The following C17orf58 variants were observed in gnomAD, a reference collection of about 807,000 sequenced individuals.
The protein encoded by C17orf58 is chromosome 17 open reading frame 58.
In C17orf58, 5 loss-of-function variants were observed where a neutral mutation model predicts 7.4. The ratio of observed to expected loss-of-function variants is 0.67; its 90% CI spans 0.35 to 1.42. The LOEUF (loss-of-function observed/expected upper bound fraction) is 1.42. C17orf58 is among the 40% of genes most tolerant of loss of function. The pLI is 0.04. For synonymous variants in C17orf58, 60 were observed against 70.6 expected, an observed-to-expected ratio of 0.85 and a Z score of 0.75; for missense variants, 162 against 174.2, an observed-to-expected ratio of 0.93 and a Z score of 0.40.
chr17:67,994,346 G>C (rs147238684), intron 1 of C17orf58, among the ~76,000 whole-genome samples: 96 of 151,886 alleles, frequency 6.3e-4, no homozygotes, highest in Non-Finnish European at 1.1e-3. Flanking sequence ...AGAAGGATAC[G>C]AGGGTCTTGA....
intron 1 of C17orf58, among the ~76,000 whole-genome samples, chr17:67,994,454 C>T (rs1416969606): frequency 6.9e-6 from 1 of 144,836 alleles, no homozygotes; most frequent in Admixed American, 7.1e-5. Flanking sequence ...TTTTGCCCTT[C>T]CTTTAATATA....
In C17orf58 at chr17:67,993,199, C is replaced by A. The variant is rs1388415048; in HGVS notation, c.674G>T (p.Gly225Val). ...CAGGGTCACCAGCCGGATGCCCGCG[C>A]CCAGCACGTCCACATCGTGCACGAT... Reference protein sequence around the residue: ...NGIVHDVDVLGAGIRLVTLLV... With the variant: ...NGIVHDVDVLVAGIRLVTLLV... Residue 225 changes from glycine (G) to valine (V), a missense_variant, in exon 3 of 4, where the codon GGC (glycine) becomes GTC (valine). Transcript: ENST00000580729. This position sits in a 1 kb window ranked among gnomAD's most constrained non-coding sequence, Gnocchi z 5.1. The A allele has an allele frequency of 4.1e-5, 66 of 1,608,918 alleles. No individual in the cohort carries two copies. The highest frequency in any genetic ancestry group is 5.4e-5 in the Non-Finnish European group (63 of 1,177,082).
At position 67,993,698 on chromosome 17, in the gene C17orf58, C is replaced by A; in HGVS notation, c.363G>T (p.Glu121Asp). 1 of 146,530 alleles carries A rather than the reference C, an allele frequency of 6.8e-6. No individual in the cohort carries two copies. The highest frequency in any genetic ancestry group is 1.8e-4 in the South Asian group (1 of 5,548). 9.1% of individuals were successfully genotyped at this position (146,530 alleles called of 1,614,324 possible). The change falls in exon 2 of 4, where the codon GAG (glutamate) becomes GAT (aspartate). Residue 121 changes from glutamate to aspartate, a missense_variant. Physicochemically the swap from Glu to Asp is conservative, Grantham distance 45. This residue lies in a region of C17orf58 where 93 missense variants were observed against 90.4 expected (regional missense o/e 1.03). Coordinates refer to ENST00000580729, the MANE Select transcript of C17orf58 (RefSeq NM_001382359.1). The surrounding 1 kb of genome is among the most constrained non-coding windows in gnomAD (Gnocchi z 5.1). ...GTGAGCGCGCGCGTCGCGGGGCGTC[C>A]TCCGACGCGGGCTCGCGGCGCGGCG... ...RASPRREPASEDAPRRARSRA... is the reference protein window; with the variant it reads ...RASPRREPASDDAPRRARSRA...
intron 1 of C17orf58, among the ~76,000 whole-genome samples, chr17:67,994,926 A>G (rs1220071441): frequency 1.3e-5 from 2 of 152,104 alleles, no homozygotes; most frequent in African/African-American, 4.8e-5. Flanking sequence ...AAAATTATTA[A>G]TGATTTTCCC....
Position 67,993,029 on chromosome 17 carries a change from G to T in C17orf58, c.829+15C>A. On this transcript the variant is annotated intron_variant, in intron 3 of 3. Transcript: ENST00000580729. This position sits in a 1 kb window ranked among gnomAD's most constrained non-coding sequence, Gnocchi z 5.1. ...TAAAGTACATATGCAGCGTCATTCAGGTCAGTTTCAATACCAGGTTTAAAC... is the reference window on the plus strand; with the variant it reads ...TAAAGTACATATGCAGCGTCATTCATGTCAGTTTCAATACCAGGTTTAAAC... 1 of 1,614,178 alleles carries T rather than the reference G, an allele frequency of 6.2e-7. No individual in the cohort carries two copies. Among genetic ancestry groups the T allele is most frequent in the Non-Finnish European group, 8.5e-7 (1 of 1,180,020 alleles).
In C17orf58 at chr17:67,991,908, T is replaced by A; in HGVS notation, c.*5A>T. 1 of 1,594,192 alleles carries A rather than the reference T, an allele frequency of 6.3e-7. No individual in the cohort carries two copies. The highest frequency in any genetic ancestry group is 1.7e-5 in the Admixed American group (1 of 57,482). On this transcript the variant is annotated 3_prime_UTR_variant, in exon 4 of 4. Coordinates refer to ENST00000580729, the MANE Select transcript of C17orf58 (RefSeq NM_001382359.1). Reference sequence around the variant, plus strand: ...TTGCGGTCCAGAAATGCCAGGATGGTTGTTTCAAATGCATTGGGTATGAAT... The same window carrying A: ...TTGCGGTCCAGAAATGCCAGGATGGATGTTTCAAATGCATTGGGTATGAAT...
At chr17:67,995,488 A>C (rs2070884502) in intron 1 of C17orf58, among the ~76,000 whole-genome samples, 1 of 152,268 alleles carries the variant, frequency 6.6e-6, no homozygotes, top group African/African-American at 2.4e-5. Context: ...GAGATAGCGA[A>C]GCCGACAGAA....
rs1555699754 is a variant in C17orf58, at chr17:67,996,313, T to C, written c.-115A>G. ...CGTTCATGCTAATGAGGGGCAGCCT[T>C]TGGGGAAACGGGAATCACTCGCTGA... On this transcript the variant is annotated 5_prime_UTR_variant, in exon 1 of 4. Transcript: ENST00000580729. The C allele has an allele frequency of 2.5e-6, 1 of 393,892 alleles. No homozygotes were observed. Among genetic ancestry groups the C allele is most frequent in the Non-Finnish European group, 4.5e-6 (1 of 223,852 alleles). The allele number at this position is 393,892 out of a possible 1,614,324, so 24.4% of individuals were successfully genotyped here. A position where few individuals can be genotyped will look rare whatever the true frequency, so the allele number is the denominator to read the frequency against.
chr17:67,993,124 G>C lies in C17orf58; in HGVS notation c.749C>G (p.Pro250Arg), dbSNP rs374492199. ...GTGGACTCGGAAGAAGAAGCCGTCG[G>C]GGGTGAGGTACAGGCGGTTCATCTT... The part of the protein sequence containing the change: ...LYKMNRLYLT[P>R]DGFFFRVHML... The change falls in exon 3 of 4, where the codon CCC becomes CGC. Residue 250 changes from proline (P) to arginine (R), a missense_variant. Physicochemically the swap from Pro to Arg is moderately radical, Grantham distance 103. Coordinates refer to ENST00000580729, the MANE Select transcript of C17orf58 (RefSeq NM_001382359.1). The surrounding 1 kb of genome is among the most constrained non-coding windows in gnomAD (Gnocchi z 5.1). The C allele has an allele frequency of 1.2e-6, 2 of 1,614,090 alleles. No homozygotes were observed. The highest frequency in any genetic ancestry group is 1.3e-5 in the African/African-American group (1 of 75,026).
chr17:67,994,523 T>TAC (rs2070875542), intron 1 of C17orf58, among the ~76,000 whole-genome samples: 2 of 122,880 alleles, frequency 1.6e-5, no homozygotes, highest in Admixed American at 1.7e-4. Flanking sequence ...TGTGTATATA[T>TAC]ATATATATAT....
chr17:67,994,516 G>GTATATATATATA (rs1555699618), intron 1 of C17orf58, among the ~76,000 whole-genome samples: 6 of 89,544 alleles, frequency 6.7e-5, no homozygotes, highest in African/African-American at 2.2e-4. Flanking sequence ...GTGTGTGTGT[G>GTATATATATATA]TATATATATA....
At chr17:67,994,094 G>A in intron 1 of C17orf58, 110 bp from the exon 2 acceptor site, 1 of 356,372 alleles carries the variant, frequency 2.8e-6, no homozygotes, top group Non-Finnish European at 5.0e-6. Flanking sequence ...GGGAAGGGGA[G>A]GCTGAGACGG....
At chr17:67,992,854 G>T in intron 3 of C17orf58, 190 bp downstream of exon 3, 1 of 1,588,524 alleles carries the variant, frequency 6.3e-7, no homozygotes, top group Non-Finnish European at 8.6e-7. Context: ...TCACCCTTGA[G>T]GGTGGGGGCT....
Position 67,991,963 on chromosome 17 carries a change from G to A in C17orf58, c.970C>T (p.Arg324Ter), listed in dbSNP as rs368145364. The change falls in exon 4 of 4, where the codon CGA (arginine) becomes TGA (stop). Residue 324 changes from arginine to a stop codon, truncating the protein, a stop_gained. Transcript: ENST00000580729. LOFTEE classifies it high-confidence loss of function. The stretch of plus-strand genomic sequence containing the variant: ...CCTTGAATCTGCCCTTCCCTTTTTC[G>A]ATTAAACCTTTTCACATAGCTGCTG... ...SSSSYVKRFNRKREGQIQGAI... is the reference protein window; with the variant it reads ...SSSSYVKRFN The A allele has an allele frequency of 2.5e-6, 4 of 1,611,966 alleles. No homozygotes were observed. Among genetic ancestry groups the A allele is most frequent in the East Asian group, 2.2e-5 (1 of 44,862 alleles).
In C17orf58 at chr17:67,991,622, A is replaced by G. The variant is rs2070831487; in HGVS notation, c.*291T>C. On this transcript the variant is annotated 3_prime_UTR_variant, in exon 4 of 4. Transcript: ENST00000580729. Reference sequence around the variant, plus strand: ...TTAAATTAAAATAATTTAAAAACTTATGAAGCAATGATCTGTTAACTGGAC... The same window carrying G: ...TTAAATTAAAATAATTTAAAAACTTGTGAAGCAATGATCTGTTAACTGGAC... 4.6e-6 allele frequency: 1 copy of G among 215,432 alleles called. No individual in the cohort carries two copies. Among genetic ancestry groups the G allele is most frequent in the Non-Finnish European group, 9.1e-6 (1 of 110,124 alleles). 13.3% of individuals were successfully genotyped at this position (215,432 alleles called of 1,614,324 possible). A position where few individuals can be genotyped will look rare whatever the true frequency, so the allele number is the denominator to read the frequency against.
chr17:67,993,566 G>A lies in C17orf58; in HGVS notation c.495C>T (p.Pro165=), dbSNP rs1391499692. 1.5e-5 allele frequency: 4 copies of A among 259,834 alleles called. No individual in the cohort carries two copies. Among genetic ancestry groups the A allele is most frequent in the South Asian group, 1.5e-4 (1 of 6,682 alleles). The allele number at this position is 259,834 out of a possible 1,614,324, so 16.1% of individuals were successfully genotyped here. Residue 165 remains proline (P), a synonymous_variant, in exon 2 of 4, where the codon CCC becomes CCT. Transcript: ENST00000580729. The surrounding 1 kb of genome is among the most constrained non-coding windows in gnomAD (Gnocchi z 5.1). ...RPRAAALAPG[P]APAPPPRFSL... Reference sequence around the variant, plus strand: ...TGAAGCGCGGCGGCGGCGCGGGCGCGGGTCCCGGGGCCAGCGCGGCGGCGC... The same window carrying A: ...TGAAGCGCGGCGGCGGCGCGGGCGCAGGTCCCGGGGCCAGCGCGGCGGCGC...
chr17:67,991,849 A>G lies in C17orf58; in HGVS notation c.*64T>C. ...AGGAGGACCCATTACATGAAGGTAG[A>G]CCTTTCATGTCTTGTTGCCGACGTC... On this transcript the variant is annotated 3_prime_UTR_variant, in exon 4 of 4. Coordinates refer to ENST00000580729, the MANE Select transcript of C17orf58 (RefSeq NM_001382359.1). The G allele has an allele frequency of 7.3e-7, 1 of 1,367,500 alleles. No individual in the cohort carries two copies. Among genetic ancestry groups the G allele is most frequent in the Non-Finnish European group, 1.0e-6 (1 of 990,912 alleles). The allele number at this position is 1,367,500 out of a possible 1,614,324, so 84.7% of individuals were successfully genotyped here. A position where few individuals can be genotyped will look rare whatever the true frequency, so the allele number is the denominator to read the frequency against.
rs1272809754 is a variant in C17orf58 at position 67,993,747 on chromosome 17, A to G, written c.314T>C (p.Leu105Pro). ...RAPAGPPGPR[L>P]AQAENRASPR... ...CGACGCGCGGTTCTCGGCTTGCGCC[A>G]GGCGCGGGCCCGGCGGGCCAGCGGG... Residue 105 changes from leucine (L) to proline (P), a missense_variant, in exon 2 of 4, where the codon CTG (leucine) becomes CCG (proline). By Grantham distance (98) the Leu-to-Pro change is moderately conservative (BLOSUM62 -3). This residue lies in a region of C17orf58 where 93 missense variants were observed against 90.4 expected (regional missense o/e 1.03). Transcript: ENST00000580729. This position sits in a 1 kb window ranked among gnomAD's most constrained non-coding sequence, Gnocchi z 5.1. The G allele has an allele frequency of 6.6e-6, 1 of 150,736 alleles. No individual in the cohort carries two copies. The highest frequency in any genetic ancestry group is 1.4e-5 in the Non-Finnish European group (1 of 69,748). The allele number at this position is 150,736 out of a possible 1,614,324, so 9.3% of individuals were successfully genotyped here.
chr17:67,994,185 G>C (rs550349924), intron 1 of C17orf58, among the ~76,000 whole-genome samples: 1 of 151,888 alleles, frequency 6.6e-6, no homozygotes, highest in African/African-American at 2.4e-5. Context: ...GGCTCTGGGA[G>C]GGGGAGAGGA....
Sources: allele counts gnomAD v4.1 joint callset (sites outside exome capture counted in the v4.1 genomes callset), GRCh38; gene constraint gnomAD v4.1.1; regional missense constraint gnomAD v4.1.1; non-coding constraint Gnocchi (gnomAD v3.1); transcripts MANE v1.5; gene names NCBI Gene and HGNC (gene_info 2026-07-23, HGNC 2026-07-21).